The following LPAR1 variants were observed in gnomAD, a reference collection of about 807,000 sequenced individuals.
The protein encoded by LPAR1 is lysophosphatidic acid receptor 1.
A neutral mutation model predicts 23.8 loss-of-function variants in LPAR1; 5 were observed. That is an observed-to-expected ratio of 0.21 (90% CI 0.11 to 0.44). The LOEUF (loss-of-function observed/expected upper bound fraction) is 0.44. Among genes scored for constraint, LPAR1 ranks in the 20% least tolerant of loss-of-function variants. LPAR1 has a pLI of 0.99. For synonymous variants in LPAR1, 160 were observed against 164.7 expected (o/e 0.97, Z 0.22); for missense variants, 311 against 482.8 (o/e 0.64, Z 3.33).
intron 5 of LPAR1, among the ~76,000 whole-genome samples, chr9:110,889,874 A>AT (rs1564376803): frequency 6.6e-6 from 1 of 152,192 alleles, no homozygotes; most frequent in Non-Finnish European, 1.5e-5. Flanking sequence ...AGGCCAAAAT[A>AT]TTTTTACAAA....
At chr9:111,019,681 A>C (rs1299304822) in intron 2 of LPAR1, among the ~76,000 whole-genome samples, 1 of 151,664 alleles carries the variant, frequency 6.6e-6, no homozygotes, top group Non-Finnish European at 1.5e-5. Context: ...ACTAAAAAAA[A>C]AAACATACAA....
intron 5 of LPAR1, among the ~76,000 whole-genome samples, chr9:110,892,862 CAGGCAT>C (rs1385176504): frequency 0.01 from 1,148 of 111,750 alleles, 67 homozygotes; most frequent in African/African-American, 0.018. Flanking sequence ...GGCAGGCAGG[CAGGCAT>C]GCAGGCAGGC....
At chr9:111,012,974 CT>C (rs2097363126) in intron 2 of LPAR1, among the ~76,000 whole-genome samples, 2 of 151,836 alleles carry the variant, frequency 1.3e-5, no homozygotes, top group African/African-American at 4.9e-5. Context: ...AAATTTTCTT[CT>C]GTTAATGTTA....
At chr9:110,895,886 G>A (rs539772887) in intron 5 of LPAR1, among the ~76,000 whole-genome samples, 1 of 152,184 alleles carries the variant, frequency 6.6e-6, no homozygotes, top group East Asian at 1.9e-4. Context: ...TTGGCCCCAC[G>A]TGAAGAATGG....
chr9:110,899,857 T>C (rs2088034192), intron 5 of LPAR1, among the ~76,000 whole-genome samples: 1 of 152,164 alleles, frequency 6.6e-6, no homozygotes, highest in Non-Finnish European at 1.5e-5. Context: ...TTGTAAGATA[T>C]TTAGCAGCAC....
chr9:110,892,851 AGG>A lies in LPAR1; in HGVS notation c.794-17131_794-17130del, dbSNP rs1491093984. Reference sequence around the variant, plus strand: ...AAGGCAGGCAGGCAGGCAGGCAGGCAGGCAGGCAGGCAGGCATGCAGGCAGGC... The same window carrying A: ...AAGGCAGGCAGGCAGGCAGGCAGGCACAGGCAGGCAGGCATGCAGGCAGGC... On this transcript the variant is annotated intron_variant, in intron 5 of 5. Coordinates refer to ENST00000683809, the MANE Select transcript of LPAR1 (RefSeq NM_001351411.2). 1.1e-3 allele frequency among the ~76,000 whole-genome samples: 129 copies of A among 115,826 alleles called. 2 individuals carry two copies. The highest frequency in any genetic ancestry group is 3.3e-3 in the African/African-American group (123 of 36,856). 76.0% of individuals were successfully genotyped at this position (115,826 alleles called of 152,430 possible).
intron 4 of LPAR1, among the ~76,000 whole-genome samples, chr9:110,962,244 C>T (rs1433057326): frequency 6.6e-6 from 1 of 152,180 alleles, no homozygotes; most frequent in Non-Finnish European, 1.5e-5. Context: ...TCTACACAAT[C>T]CAGCATGTCA....
At chr9:111,002,972 C>G (rs2097155883) in intron 2 of LPAR1, among the ~76,000 whole-genome samples, 1 of 151,724 alleles carries the variant, frequency 6.6e-6, no homozygotes, top group South Asian at 2.1e-4. Flanking sequence ...GACCCCATCT[C>G]TACAAAAAAA....
chr9:111,020,089 C>T (rs1030125459), intron 2 of LPAR1, among the ~76,000 whole-genome samples: 2 of 152,068 alleles, frequency 1.3e-5, no homozygotes, highest in African/African-American at 2.4e-5. Flanking sequence ...AGATTAGGAC[C>T]CCACACTTAT....
chr9:110,983,518 G>C lies in LPAR1; in HGVS notation c.-181-9960C>G, dbSNP rs192880199. Among the ~76,000 whole-genome samples the C allele has an allele frequency of 6.9e-3, 1,049 of 152,116 alleles. 9 individuals carry two copies. The highest frequency in any genetic ancestry group is 0.025 in the South Asian group (120 of 4,824). ...GGAGAGGGATGAATGAGAAATTGCT[G>C]TGTAATGGGTACGGGGTTTCAGTTT... is the stretch of plus-strand genomic sequence containing the variant. On this transcript the variant is annotated intron_variant, in intron 2 of 5. Transcript: ENST00000683809.
intron 2 of LPAR1, among the ~76,000 whole-genome samples, chr9:111,002,213 C>T (rs1359600508): frequency 6.6e-6 from 1 of 152,132 alleles, no homozygotes; most frequent in African/African-American, 2.4e-5. Context: ...TACGCAGGAA[C>T]ATTCAATTCC....
Position 110,873,861 on chromosome 9 carries a change from T to C in LPAR1, c.*1560A>G, listed in dbSNP as rs1220057110. The C allele has an allele frequency of 6.6e-6, 1 of 152,276 alleles. No individual in the cohort carries two copies. The highest frequency in any genetic ancestry group is 1.5e-5 in the Non-Finnish European group (1 of 68,038). 9.4% of individuals were successfully genotyped at this position (152,276 alleles called of 1,614,324 possible). On this transcript the variant is annotated 3_prime_UTR_variant, in exon 6 of 6. Coordinates refer to ENST00000683809, the MANE Select transcript of LPAR1 (RefSeq NM_001351411.2). ...CATTGCAGGTGTGGCTACCAAGAGC[T>C]GGATAACGAGTCCCTCAAACAAAGT...
At chr9:111,037,175 C>T (rs1385075421) in intron 1 of LPAR1, among the ~76,000 whole-genome samples, 1 of 152,098 alleles carries the variant, frequency 6.6e-6, no homozygotes, top group African/African-American at 2.4e-5. Context: ...ACTGTTAGAG[C>T]CTGAAGGAAT....
intron 5 of LPAR1, among the ~76,000 whole-genome samples, chr9:110,909,273 C>T (rs575156140): frequency 3.3e-5 from 5 of 152,318 alleles, no homozygotes; most frequent in African/African-American, 9.6e-5. Flanking sequence ...GTGCAGTGGG[C>T]AGCAGGACCT....
intron 2 of LPAR1, among the ~76,000 whole-genome samples, chr9:111,010,046 T>TATATATATATATATATA (rs2097303823): frequency 9.4e-6 from 1 of 106,320 alleles, no homozygotes; most frequent in African/African-American, 4.0e-5. Flanking sequence ...TATATATATA[T>TATATATATATATATATA]GGATACATAG....
chr9:111,037,045 C>A (rs2097909256), intron 1 of LPAR1, among the ~76,000 whole-genome samples: 1 of 152,158 alleles, frequency 6.6e-6, no homozygotes, highest in African/African-American at 2.4e-5. Flanking sequence ...TAAAAAACTT[C>A]GCATTTTCCA....
At chr9:111,005,427 A>G (rs1268470479) in intron 2 of LPAR1, among the ~76,000 whole-genome samples, 2 of 151,386 alleles carry the variant, frequency 1.3e-5, no homozygotes, top group Non-Finnish European at 1.5e-5. Flanking sequence ...GTGACTGTGT[A>G]GTCCCAGCTA....
At chr9:110,934,979 G>C (rs1433110496) in intron 5 of LPAR1, among the ~76,000 whole-genome samples, 2 of 152,180 alleles carry the variant, frequency 1.3e-5, no homozygotes, top group Non-Finnish European at 2.9e-5. Flanking sequence ...GCTACTATAT[G>C]TGATGCTAAT....
chr9:110,904,249 A>T (rs1050790888), intron 5 of LPAR1, among the ~76,000 whole-genome samples: 12 of 152,218 alleles, frequency 7.9e-5, no homozygotes, highest in African/African-American at 2.4e-4. Flanking sequence ...ATGGCTACAT[A>T]CGATAGATGA....
Sources: allele counts gnomAD v4.1 joint callset (sites outside exome capture counted in the v4.1 genomes callset), GRCh38; gene constraint gnomAD v4.1.1; transcripts MANE v1.5; gene names NCBI Gene and HGNC (gene_info 2026-07-23, HGNC 2026-07-21).